ARHGEF1: variants seen among roughly 807,000 people sequenced by gnomAD.
ARHGEF1 encodes Rho guanine nucleotide exchange factor 1, also known as 115 kDa guanine nucleotide exchange factor.
Under a neutral mutation model 119.7 loss-of-function variants are expected in ARHGEF1, and 40 were observed. The ratio of observed to expected loss-of-function variants is 0.33; its 90% CI spans 0.26 to 0.44. The LOEUF (loss-of-function observed/expected upper bound fraction) is 0.44. Ranked by LOEUF, ARHGEF1 falls within the 20% of genes least tolerant of loss-of-function variation. The pLI, the probability that ARHGEF1 is intolerant of heterozygous loss-of-function variation, is 1.00. For missense variants in ARHGEF1, 976 were observed against 1,268.3 expected (o/e 0.77, Z 3.50); for synonymous variants, 494 against 521.0 (o/e 0.95, Z 0.71).
Position 41,906,922 on chromosome 19 carries a change from T to G in ARHGEF1, c.*17+119T>G. The G allele has an allele frequency of 6.2e-6, 6 of 964,852 alleles. No homozygotes were observed. Among genetic ancestry groups the G allele is most frequent in the Non-Finnish European group, 9.0e-6 (6 of 664,810 alleles). The allele number at this position is 964,852 out of a possible 1,614,324, so 59.8% of individuals were successfully genotyped here. ...CTTTGTCTTTTCTGAATCTCCCCAC[T>G]CCACCTCGTGTTTCTCATCTCTGTG... On this transcript the variant is annotated intron_variant, in intron 28 of 28. Coordinates refer to ENST00000354532, the MANE Select transcript of ARHGEF1 (RefSeq NM_004706.4). This position sits in a 1 kb window ranked among gnomAD's most constrained non-coding sequence, Gnocchi z 4.5.
intron 2 of ARHGEF1, among the ~76,000 whole-genome samples, chr19:41,929,383 G>A (rs906701817): frequency 5.3e-5 from 8 of 152,026 alleles, no homozygotes; most frequent in Admixed American, 2.0e-4. Context: ...GCACACACAC[G>A]CACACCTACA....
At chr19:41,898,365 G>A (rs1243968757) in intron 13 of ARHGEF1, 77 bp from the exon 14 acceptor site, 3 of 1,546,040 alleles carry the variant, frequency 1.9e-6, no homozygotes, top group Non-Finnish European at 2.6e-6. Flanking sequence ...ACTGACCGGG[G>A]TTGAACGCTC....
At chr19:41,919,791 T>G (rs1568834949), upstream of ARHGEF1, among the ~76,000 whole-genome samples, 1 of 151,528 alleles carries the variant, frequency 6.6e-6, no homozygotes, top group African/African-American at 2.4e-5. Context: ...CCCTCAGAGA[T>G]AACTGCCCCA....
At position 41,888,212 on chromosome 19, in the gene ARHGEF1, G is replaced by T. The variant is rs1410764298; in HGVS notation, c.45G>T (p.Arg15=). The T allele has an allele frequency of 6.2e-7, 1 of 1,614,002 alleles. No individual in the cohort carries two copies. The highest frequency in any genetic ancestry group is 8.5e-7 in the Non-Finnish European group (1 of 1,179,956). ...ARGAASPGPS[R]PGLVPVSIIG... ...CACAGGCCTCCCCAGGCCCCTCCCG[G>T]CCTGGCCTGGTTCCCGTCAGCATCA... Residue 15 remains arginine (R), a synonymous_variant, in exon 3 of 29, where the codon CGG becomes CGT. Transcript: ENST00000354532. This position sits in a 1 kb window ranked among gnomAD's most constrained non-coding sequence, Gnocchi z 5.1.
Position 41,902,054 on chromosome 19 carries a change from C to G in ARHGEF1, c.1414+21C>G, listed in dbSNP as rs563132868. 1.2e-6 allele frequency: 2 copies of G among 1,607,460 alleles called. No individual in the cohort carries two copies. The highest frequency in any genetic ancestry group is 2.7e-5 in the African/African-American group (2 of 74,882). ...GCATTGTGAGTGCAGAGCCAGGGTC[C>G]CTCTGTGTACCCCACTGCCCCACGG... On this transcript the variant is annotated intron_variant, in intron 15 of 28. Coordinates refer to ENST00000354532, the MANE Select transcript of ARHGEF1 (RefSeq NM_004706.4). This position sits in a 1 kb window ranked among gnomAD's most constrained non-coding sequence, Gnocchi z 6.5.
chr19:41,908,996 C>T, downstream of ARHGEF1: 1 of 1,020,686 alleles, frequency 9.8e-7, no homozygotes, highest in Non-Finnish European at 1.3e-6. The surrounding 1 kb of genome is among the most constrained non-coding windows in gnomAD (Gnocchi z 6.7). Context: ...TTCTCATCCT[C>T]TTCCCTCAAG....
At chr19:41,911,626 A>G (rs1394577508), downstream of ARHGEF1, among the ~76,000 whole-genome samples, 3 of 152,080 alleles carry the variant, frequency 2.0e-5, no homozygotes, top group African/African-American at 4.8e-5. Flanking sequence ...ATCTCCATTC[A>G]TTTTTGGGTC....
chr19:41,896,816 CTCTCACCTCCCCCATCCT>C lies in ARHGEF1; in HGVS notation c.1121+335_1121+352del, dbSNP rs2074501855. ...CCTCCTCTCTCACCTCCCCTCTCCT[CTCTCACCTCCCCCATCCT>C]CTCTCACCTCCCCCCTCCTCTCTCA... On this transcript the variant is annotated intron_variant, in intron 13 of 28. Transcript: ENST00000354532. The C allele has an allele frequency of 1.3e-4, 49 of 385,998 alleles. 1 individual carries two copies. The African/African-American group carries it at 1.9e-3, about 15-fold the overall frequency. The allele number at this position is 385,998 out of a possible 1,614,324, so 23.9% of individuals were successfully genotyped here.
upstream of ARHGEF1, among the ~76,000 whole-genome samples, chr19:41,920,810 G>T: frequency 6.6e-6 from 1 of 152,262 alleles, no homozygotes; most frequent in Non-Finnish European, 1.5e-5. Context: ...GCTGGGGAAG[G>T]TGTGTCTGCT....
At chr19:41,897,447 C>T in intron 13 of ARHGEF1, 1 of 669,758 alleles carries the variant, frequency 1.5e-6, no homozygotes, top group Non-Finnish European at 2.1e-6. Context: ...GTGGGGACAT[C>T]ACCCTCCCAG....
intron 18 of ARHGEF1, among the ~76,000 whole-genome samples, chr19:41,914,623 ATCTCTG>A (rs1179968673): frequency 0.02 from 235 of 11,922 alleles, 49 homozygotes; most frequent in Middle Eastern, 0.071. Context: ...CCCTTCCACC[ATCTCTG>A]TCTCTGTCTC....
intron 4 of ARHGEF1, 34 bp from the exon 5 acceptor site, chr19:41,891,991 G>T: frequency 6.5e-7 from 1 of 1,547,836 alleles, no homozygotes; most frequent in Non-Finnish European, 8.8e-7. Context: ...GGCAGGGTGA[G>T]GGAGCGGAGA....
intron 18 of ARHGEF1, among the ~76,000 whole-genome samples, chr19:41,914,956 A>ATCTCTG (rs1176391658): frequency 1.1e-3 from 56 of 51,794 alleles, no homozygotes; most frequent in Admixed American, 1.6e-3. Flanking sequence ...CTCTTCCACT[A>ATCTCTG]TCTCTGTCTC....
chr19:41,885,637 T>A (rs782552123), intron 1 of ARHGEF1, among the ~76,000 whole-genome samples: 1 of 152,080 alleles, frequency 6.6e-6, no homozygotes, highest in Non-Finnish European at 1.5e-5. Context: ...AATTTTGGTA[T>A]TTTTAGTAGA....
At position 41,902,301 on chromosome 19, in the gene ARHGEF1, G is replaced by A. The variant is rs782805856; in HGVS notation, c.1442G>A (p.Arg481Gln). 1.7e-5 allele frequency: 28 copies of A among 1,614,062 alleles called. No homozygotes were observed. The highest frequency in any genetic ancestry group is 5.5e-5 in the South Asian group (5 of 91,084). The change falls in exon 16 of 29, where the codon CGG becomes CAG. Residue 481 changes from arginine (R) to glutamine (Q), a missense_variant. Transcript: ENST00000354532. The surrounding 1 kb of genome is among the most constrained non-coding windows in gnomAD (Gnocchi z 6.5). ...HSLFLDRLMKRRQESGYLIEE... is the reference protein window; with the variant it reads ...HSLFLDRLMKQRQESGYLIEE... The stretch of plus-strand genomic sequence containing the variant: ...CTGTTCCTCGATCGCCTGATGAAGC[G>A]GAGGCAGGAGAGTGGCTACCTCATC...
In ARHGEF1 at chr19:41,907,378, A is replaced by G. The variant is rs529194966; in HGVS notation, c.*291A>G. ...CTGTGGGGGCCACCCCTCCACCCCC[A>G]CCCCCAAGTGCCTTCGCTCTGTTTT... is the stretch of plus-strand genomic sequence containing the variant. On this transcript the variant is annotated 3_prime_UTR_variant, in exon 29 of 29. Transcript: ENST00000354532. The G allele has an allele frequency of 1.2e-5, 18 of 1,526,524 alleles. No homozygotes were observed. In the East Asian group the frequency reaches 4.4e-4, roughly 37 times the overall value. The allele number at this position is 1,526,524 out of a possible 1,614,324, so 94.6% of individuals were successfully genotyped here. A position where few individuals can be genotyped will look rare whatever the true frequency, so the allele number is the denominator to read the frequency against.
At chr19:41,914,079 A>AAC (rs1555851535) in intron 18 of ARHGEF1, among the ~76,000 whole-genome samples, 1 of 137,530 alleles carries the variant, frequency 7.3e-6, no homozygotes, top group Non-Finnish European at 1.5e-5. Context: ...AGCCCCGCCT[A>AAC]CCCCTGGACA....
downstream of ARHGEF1, chr19:41,910,175 C>T: frequency 7.2e-7 from 1 of 1,387,106 alleles, no homozygotes; most frequent in Non-Finnish European, 9.8e-7. This position sits in a 1 kb window ranked among gnomAD's most constrained non-coding sequence, Gnocchi z 4.4. Flanking sequence ...ACTCAGTAAC[C>T]TGGGAGGCAT....
intron 13 of ARHGEF1, chr19:41,898,018 C>G (rs943429082): frequency 1.9e-5 from 25 of 1,331,296 alleles, no homozygotes; most frequent in Non-Finnish European, 2.4e-5. Context: ...GGGGCAGCCT[C>G]GGGGCTAAGG....
Sources: allele counts gnomAD v4.1 joint callset (sites outside exome capture counted in the v4.1 genomes callset), GRCh38; gene constraint gnomAD v4.1.1; non-coding constraint Gnocchi (gnomAD v3.1); transcripts MANE v1.5; gene names NCBI Gene and HGNC (gene_info 2026-07-23, HGNC 2026-07-21).